CELA2B: variants seen among roughly 807,000 people sequenced by gnomAD.
CELA2B encodes chymotrypsin like elastase 2B, also known as chymotrypsin-like elastase family member 2B.
A neutral mutation model predicts 36.5 loss-of-function variants in CELA2B; 27 were observed. That is an observed-to-expected ratio of 0.74 (90% CI 0.55 to 1.02). The LOEUF is 1.02. CELA2B is among the 50% of genes least tolerant of loss of function. The probability of loss-of-function intolerance (pLI) is 0.00; values close to 1 mark genes in which losing one functional copy is unlikely to be tolerated. For missense variants in CELA2B, 340 were observed against 347.8 expected (o/e 0.98, Z 0.18); for synonymous variants, 143 against 148.5 (o/e 0.96, Z 0.27).
rs145776598 is a variant in CELA2B, at chr1:15,476,521, G to A, written c.105G>A (p.Ala35=). ...DMSRMLGGEE[A]RPNSWPWQVS... is the part of the protein sequence containing the mutation. ...CTAGGATGCTTGGAGGTGAAGAAGC[G>A]AGGCCCAACAGCTGGCCCTGGCAGG... The change falls in exon 2 of 8, where the codon GCG becomes GCA. Residue 35 remains alanine, a synonymous_variant. Coordinates refer to ENST00000375910, the MANE Select transcript of CELA2B (RefSeq NM_015849.3). 3,677 of 1,613,926 alleles carry A rather than the reference G, an allele frequency of 2.3e-3. 12 individuals carry two copies. Among genetic ancestry groups the A allele is most frequent in the Middle Eastern group, 0.012 (74 of 5,986 alleles).
intron 2 of CELA2B, among the ~76,000 whole-genome samples, chr1:15,477,846 C>T (rs1226475019): frequency 6.6e-6 from 1 of 152,206 alleles, no homozygotes; most frequent in Non-Finnish European, 1.5e-5. Flanking sequence ...TTGATATAAA[C>T]TGCTTTAGGA....
Position 15,482,291 on chromosome 1 carries a change from TG to T in CELA2B, c.257del (p.Gly86AlafsTer88). 1 of 1,614,080 alleles carries T rather than the reference TG, an allele frequency of 6.2e-7. No homozygotes were observed. The highest frequency in any genetic ancestry group is 1.3e-5 in the African/African-American group (1 of 75,052). ...ISSSGIYRVMLGQHNLYVAES... is the reference protein window; with the variant it reads ...ISSSGIYRVMXGQHNLYVAES... ...TCCTCCGGGATCTACCGCGTGATGC[TG>T]GGCCAGCATAACCTCTACGTTGCAG... On this transcript the variant is annotated frameshift_variant, in exon 4 of 8. Coordinates refer to ENST00000375910, the MANE Select transcript of CELA2B (RefSeq NM_015849.3). LOFTEE classifies it high-confidence loss of function.
At position 15,486,161 on chromosome 1, in the gene CELA2B, C is replaced by T. The variant is rs1708802238; in HGVS notation, c.639+115C>T. 9.7e-6 allele frequency: 13 copies of T among 1,337,796 alleles called. No individual in the cohort carries two copies. The South Asian group carries it at 1.5e-4, about 16-fold the overall frequency. The allele number at this position is 1,337,796 out of a possible 1,614,324, so 82.9% of individuals were successfully genotyped here. On this transcript the variant is annotated intron_variant, in intron 6 of 7. Transcript: ENST00000375910. ...ATCCTCCGACCTCCTGGCAGAAGCA[C>T]CCGGAAATGGTACCAGATATATCAG...
At chr1:15,482,960 T>C (rs1477145128) in intron 4 of CELA2B, among the ~76,000 whole-genome samples, 1 of 152,082 alleles carries the variant, frequency 6.6e-6, no homozygotes, top group East Asian at 1.9e-4. Context: ...GCTAATCTTT[T>C]GTATTTTTAG....
chr1:15,480,276 C>T (rs529779526), intron 2 of CELA2B, among the ~76,000 whole-genome samples: 4 of 152,242 alleles, frequency 2.6e-5, no homozygotes, highest in South Asian at 2.1e-4. Context: ...ACAGTGCAAT[C>T]GCAGCTCACT....
At chr1:15,489,719 G>A (rs1316966948) in intron 7 of CELA2B, among the ~76,000 whole-genome samples, 1 of 152,158 alleles carries the variant, frequency 6.6e-6, no homozygotes, top group African/African-American at 2.4e-5. Context: ...AGTCACACAT[G>A]AACTCCAGCA....
rs139340526 is a variant in CELA2B, at chr1:15,488,974, C to T, written c.792+1537C>T. On this transcript the variant is annotated intron_variant, in intron 7 of 7. Coordinates refer to ENST00000375910, the MANE Select transcript of CELA2B (RefSeq NM_015849.3). ...AATGGAAAATCAAAAAGACAGTAGCCATTAATCATTAATTGGGGCTTTTTA... is the reference window on the plus strand; with the variant it reads ...AATGGAAAATCAAAAAGACAGTAGCTATTAATCATTAATTGGGGCTTTTTA... 2.8e-3 allele frequency among the ~76,000 whole-genome samples: 424 copies of T among 152,250 alleles called. 3 individuals are homozygous for T. Among genetic ancestry groups the T allele is most frequent in the African/African-American group, 9.4e-3 (392 of 41,524 alleles).
chr1:15,483,746 G>A (rs1708771670), intron 5 of CELA2B, among the ~76,000 whole-genome samples: 1 of 152,138 alleles, frequency 6.6e-6, no homozygotes, highest in East Asian at 1.9e-4. Flanking sequence ...TGGCCAACAT[G>A]GTGAAACCCC....
rs780397964 is a variant in CELA2B, at chr1:15,485,997, A to G, written c.590A>G (p.Lys197Arg). The change falls in exon 6 of 8, where the codon AAG (lysine) becomes AGG (arginine). Residue 197 changes from lysine to arginine, a missense_variant. Lys to Arg is a conservative substitution (Grantham distance 26, BLOSUM62 2). Coordinates refer to ENST00000375910, the MANE Select transcript of CELA2B (RefSeq NM_015849.3). Reference protein sequence around the residue: ...SSSGWWGSTVKTNMICAGGDG... With the variant: ...SSSGWWGSTVRTNMICAGGDG... ...TCTGGCTGGTGGGGCAGCACCGTGAAGACGAATATGATCTGTGCTGGGGGT... is the reference window on the plus strand; with the variant it reads ...TCTGGCTGGTGGGGCAGCACCGTGAGGACGAATATGATCTGTGCTGGGGGT... The G allele has an allele frequency of 1.2e-6, 2 of 1,614,204 alleles. No individual in the cohort carries two copies. The highest frequency in any genetic ancestry group is 2.2e-5 in the South Asian group (2 of 91,084).
intron 6 of CELA2B, 99 bp downstream of exon 6, chr1:15,486,145 C>T: frequency 6.8e-7 from 1 of 1,461,236 alleles, no homozygotes; most frequent in Non-Finnish European, 9.3e-7. Context: ...CATCCTCCGA[C>T]CTCCTGGCAG....
At chr1:15,481,339 C>T in intron 3 of CELA2B, 144 bp downstream of exon 3, 1 of 1,007,648 alleles carries the variant, frequency 9.9e-7, no homozygotes, top group Non-Finnish European at 1.5e-6. Context: ...TGTAGTCAAT[C>T]AATGGTTCAG....
At position 15,491,059 on chromosome 1, in the gene CELA2B, C is replaced by G. The variant is rs1708883240; in HGVS notation, c.793-236C>G. ...AAGGCCCCCTGACCTGAAGCCCACA[C>G]AGGACTCCTGGCTAAGACCCCCTTT... On this transcript the variant is annotated intron_variant, in intron 7 of 7. Coordinates refer to ENST00000375910, the MANE Select transcript of CELA2B (RefSeq NM_015849.3). 3 of 550,670 alleles carry G rather than the reference C, an allele frequency of 5.4e-6. No homozygotes were observed. In the Admixed American group the frequency reaches 9.2e-5, roughly 17 times the overall value. The allele number at this position is 550,670 out of a possible 1,614,324, so 34.1% of individuals were successfully genotyped here.
At chr1:15,488,135 G>A (rs1276721347) in intron 7 of CELA2B, among the ~76,000 whole-genome samples, 4 of 152,086 alleles carry the variant, frequency 2.6e-5, no homozygotes, top group South Asian at 2.1e-4. Flanking sequence ...GCCTGTAATC[G>A]CAGCACTTTG....
intron 6 of CELA2B, among the ~76,000 whole-genome samples, chr1:15,486,913 G>A (rs760927621): frequency 2.0e-5 from 3 of 152,238 alleles, no homozygotes; most frequent in Non-Finnish European, 2.9e-5. Flanking sequence ...CAGTGGGGAA[G>A]AGCCTGGCAG....
intron 5 of CELA2B, 44 bp from the exon 6 acceptor site, chr1:15,485,857 A>C (rs767407369): frequency 7.5e-6 from 12 of 1,607,564 alleles, no homozygotes; most frequent in Non-Finnish European, 1.0e-5. Context: ...CCTTTTTCTC[A>C]GGAGTCCCTG....
rs1439492857 is a variant in CELA2B, at chr1:15,481,313, T to G, written c.227+118T>G. On this transcript the variant is annotated intron_variant, in intron 3 of 7. Coordinates refer to ENST00000375910, the MANE Select transcript of CELA2B (RefSeq NM_015849.3). Reference sequence around the variant, plus strand: ...GTAACCTTGCAAATAACCACTAGCCTGGCCGAGACACAAGCTGTAGTCAAT... The same window carrying G: ...GTAACCTTGCAAATAACCACTAGCCGGGCCGAGACACAAGCTGTAGTCAAT... 3.3e-6 allele frequency: 4 copies of G among 1,199,718 alleles called. No individual in the cohort carries two copies. In the East Asian group the frequency reaches 9.6e-5, roughly 29 times the overall value. The allele number at this position is 1,199,718 out of a possible 1,614,324, so 74.3% of individuals were successfully genotyped here. A position where few individuals can be genotyped will look rare whatever the true frequency, so the allele number is the denominator to read the frequency against.
At chr1:15,491,155 C>T (rs1708886048) in intron 7 of CELA2B, 140 bp from the exon 8 acceptor site, 2 of 904,300 alleles carry the variant, frequency 2.2e-6, no homozygotes, top group Admixed American at 1.8e-5. Context: ...ATCTGAACTC[C>T]TCAGGCAGGA....
chr1:15,488,060 AT>A (rs1178660224), intron 7 of CELA2B, among the ~76,000 whole-genome samples: 11 of 152,236 alleles, frequency 7.2e-5, no homozygotes, highest in Non-Finnish European at 1.5e-4. Flanking sequence ...ATGAACACAC[AT>A]TTTTTATAAC....
chr1:15,487,022 C>A (rs1708812393), intron 6 of CELA2B, among the ~76,000 whole-genome samples: 1 of 152,178 alleles, frequency 6.6e-6, no homozygotes, highest in Non-Finnish European at 1.5e-5. Context: ...TCTTCCGTGG[C>A]CTGGGGATAC....
Sources: allele counts gnomAD v4.1 joint callset (sites outside exome capture counted in the v4.1 genomes callset), GRCh38; gene constraint gnomAD v4.1.1; transcripts MANE v1.5; gene names NCBI Gene and HGNC (gene_info 2026-07-23, HGNC 2026-07-21).